The following HS3ST4 variants were observed in gnomAD, a reference collection of about 807,000 sequenced individuals.
HS3ST4 encodes the protein heparan sulfate glucosamine 3-O-sulfotransferase 4.
HS3ST4 carries 17 observed loss-of-function variants against 29.2 expected under a neutral mutation model. The ratio of observed to expected loss-of-function variants is 0.58; its 90% confidence interval spans 0.40 to 0.87. HS3ST4 has a LOEUF of 0.87. HS3ST4 is among the 40% of genes least tolerant of loss of function. The pLI is 0.00. For missense variants in HS3ST4, 627 were observed against 634.5 expected (o/e 0.99, Z 0.13); for synonymous variants, 314 against 285.7 (o/e 1.10, Z -1.00).
chr16:26,030,679 C>T (rs1969523599), intron 1 of HS3ST4, among the ~76,000 whole-genome samples: 1 of 152,120 alleles, frequency 6.6e-6, no homozygotes, highest in Non-Finnish European at 1.5e-5. Flanking sequence ...GAGTCTCATT[C>T]CCTTCAACCA....
intron 1 of HS3ST4, among the ~76,000 whole-genome samples, chr16:25,984,843 A>G (rs2141724636): frequency 6.6e-6 from 1 of 152,236 alleles, no homozygotes; most frequent in South Asian, 2.1e-4. Context: ...GTGGTTCTTG[A>G]TCCAAGGGAG....
chr16:25,847,424 T>C (rs945302314), intron 1 of HS3ST4, among the ~76,000 whole-genome samples: 1 of 152,206 alleles, frequency 6.6e-6, no homozygotes, highest in African/African-American at 2.4e-5. Context: ...TCAAGAATGA[T>C]AACACATGCA....
chr16:26,097,752 G>A (rs1333450769), intron 1 of HS3ST4, among the ~76,000 whole-genome samples: 1 of 152,170 alleles, frequency 6.6e-6, no homozygotes, highest in African/African-American at 2.4e-5. Context: ...TTAAACTAAA[G>A]AGCTTCTGCA....
At chr16:26,027,284 C>T (rs1212627123) in intron 1 of HS3ST4, among the ~76,000 whole-genome samples, 1 of 152,134 alleles carries the variant, frequency 6.6e-6, no homozygotes, top group South Asian at 2.1e-4. Context: ...AAACTACAGA[C>T]AGTTCCATTC....
chr16:25,873,830 A>G (rs973000349), intron 1 of HS3ST4, among the ~76,000 whole-genome samples: 3 of 152,110 alleles, frequency 2.0e-5, no homozygotes, highest in African/African-American at 7.2e-5. Context: ...CCATGCATCC[A>G]TCCATCTATC....
intron 1 of HS3ST4, among the ~76,000 whole-genome samples, chr16:25,697,254 A>G (rs1254818690): frequency 6.6e-6 from 1 of 152,212 alleles, no homozygotes; most frequent in African/African-American, 2.4e-5. Context: ...GCAGACAAAG[A>G]GCCAAATAAT....
chr16:25,973,325 C>T (rs918445182), intron 1 of HS3ST4, among the ~76,000 whole-genome samples: 2 of 152,132 alleles, frequency 1.3e-5, no homozygotes, highest in African/African-American at 4.8e-5. Context: ...ATGAGAAATG[C>T]CGTAGGCATA....
At chr16:25,737,373 A>G (rs76034187) in intron 1 of HS3ST4, among the ~76,000 whole-genome samples, 36 of 151,756 alleles carry the variant, frequency 2.4e-4, no homozygotes, top group African/African-American at 8.7e-4. Flanking sequence ...CCCACACACA[A>G]ACACACACAC....
chr16:25,937,452 A>G (rs1293236264), intron 1 of HS3ST4, among the ~76,000 whole-genome samples: 1 of 152,128 alleles, frequency 6.6e-6, no homozygotes, highest in African/African-American at 2.4e-5. Context: ...ACGTGATCTT[A>G]TTTACCTGTA....
intron 1 of HS3ST4, among the ~76,000 whole-genome samples, chr16:25,789,919 A>G (rs1189075080): frequency 1.3e-5 from 2 of 152,226 alleles, no homozygotes; most frequent in African/African-American, 2.4e-5. Flanking sequence ...ATCACCATGT[A>G]GTATTCCACT....
intron 1 of HS3ST4, among the ~76,000 whole-genome samples, chr16:25,948,403 T>C (rs1157461944): frequency 6.6e-6 from 1 of 152,126 alleles, no homozygotes; most frequent in Non-Finnish European, 1.5e-5. Context: ...TGGCTGGTGT[T>C]AGCTTTGCAA....
At chr16:25,790,054 A>G (rs372484688) in intron 1 of HS3ST4, among the ~76,000 whole-genome samples, 1 of 152,206 alleles carries the variant, frequency 6.6e-6, no homozygotes, top group African/African-American at 2.4e-5. Flanking sequence ...AGGATGGTAT[A>G]TACACATTCC....
chr16:25,832,921 TGGTCTG>T (rs1325244184), intron 1 of HS3ST4, among the ~76,000 whole-genome samples: 1 of 152,230 alleles, frequency 6.6e-6, no homozygotes, highest in Non-Finnish European at 1.5e-5. Flanking sequence ...TGAATGTGAA[TGGTCTG>T]GGTCTGGCTG....
intron 1 of HS3ST4, among the ~76,000 whole-genome samples, chr16:25,919,007 A>G (rs1164735570): frequency 1.3e-5 from 2 of 152,092 alleles, no homozygotes; most frequent in African/African-American, 4.8e-5. Context: ...TTGGCTGTTA[A>G]AGGTTGGCAA....
At chr16:26,059,205 A>G (rs1403008526) in intron 1 of HS3ST4, among the ~76,000 whole-genome samples, 1 of 152,092 alleles carries the variant, frequency 6.6e-6, no homozygotes, top group East Asian at 1.9e-4. Flanking sequence ...TGGCAGGTTC[A>G]AGGGTTCAGG....
chr16:25,728,046 G>C (rs1966548754), intron 1 of HS3ST4, among the ~76,000 whole-genome samples: 1 of 152,128 alleles, frequency 6.6e-6, no homozygotes, highest in Non-Finnish European at 1.5e-5. Context: ...ACATCATCCA[G>C]GGTAGAGTGC....
intron 1 of HS3ST4, among the ~76,000 whole-genome samples, chr16:25,841,537 G>A (rs918979823): frequency 6.6e-6 from 1 of 152,250 alleles, no homozygotes; most frequent in Non-Finnish European, 1.5e-5. Flanking sequence ...TGCCTACCTT[G>A]GCCTCTGAAA....
At chr16:25,961,601 G>A (rs555983470) in intron 1 of HS3ST4, among the ~76,000 whole-genome samples, 53 of 152,216 alleles carry the variant, frequency 3.5e-4, no homozygotes, top group African/African-American at 1.2e-3. Flanking sequence ...TATACAGAGT[G>A]GGTTCCTTAC....
At chr16:26,057,610 G>C (rs1208564931) in intron 1 of HS3ST4, among the ~76,000 whole-genome samples, 1 of 152,172 alleles carries the variant, frequency 6.6e-6, no homozygotes, top group Non-Finnish European at 1.5e-5. Context: ...AAAATTAGCT[G>C]AGTGTGGTGG....
Sources: allele counts gnomAD v4.1 joint callset (sites outside exome capture counted in the v4.1 genomes callset), GRCh38; gene constraint gnomAD v4.1.1; transcripts MANE v1.5; gene names NCBI Gene and HGNC (gene_info 2026-07-23, HGNC 2026-07-21).